The following RALGAPA2 variants were observed in gnomAD, a reference collection of about 807,000 sequenced individuals.
RALGAPA2 encodes the protein Ral GTPase activating protein catalytic subunit alpha 2.
RALGAPA2 carries 139 observed loss-of-function variants against 230.4 expected under a neutral mutation model. That is an observed-to-expected ratio of 0.60 (90% confidence interval 0.53 to 0.69). The LOEUF (loss-of-function observed/expected upper bound fraction) is 0.69, where lower values mean the gene tolerates loss of function less well. Ranked by LOEUF, RALGAPA2 falls within the 30% of genes least tolerant of loss-of-function variation. The pLI is 0.00. For synonymous variants in RALGAPA2, 847 were observed against 837.8 expected, an observed-to-expected ratio of 1.01 and a Z score of -0.19; for missense variants, 2,163 against 2,276.0, an observed-to-expected ratio of 0.95 and a Z score of 1.01.
chr20:20,484,194 C>T (rs945885002), intron 36 of RALGAPA2, among the ~76,000 whole-genome samples: 3 of 152,174 alleles, frequency 2.0e-5, no homozygotes, highest in Non-Finnish European at 2.9e-5. Context: ...GTAATTTTCC[C>T]GTTGGGAAAA....
chr20:20,537,710 G>A (rs1195583798), intron 24 of RALGAPA2, among the ~76,000 whole-genome samples: 1 of 151,434 alleles, frequency 6.6e-6, no homozygotes, highest in African/African-American at 2.4e-5. Context: ...GGACTACACA[G>A]GTCTGTCATC....
At chr20:20,605,118 A>C (rs1014197655) in intron 15 of RALGAPA2, 57 bp downstream of exon 15, 3 of 1,443,246 alleles carry the variant, frequency 2.1e-6, no homozygotes, top group Admixed American at 2.0e-5. Flanking sequence ...AGTCATACAA[A>C]TACACACTCG....
chr20:20,624,914 T>C (rs1177064723), intron 10 of RALGAPA2, among the ~76,000 whole-genome samples: 1 of 152,180 alleles, frequency 6.6e-6, no homozygotes, highest in African/African-American at 2.4e-5. Flanking sequence ...GATTCCATTG[T>C]CATAGTTACT....
intron 31 of RALGAPA2, among the ~76,000 whole-genome samples, chr20:20,515,101 C>T (rs902192580): frequency 2.0e-5 from 3 of 152,240 alleles, no homozygotes; most frequent in African/African-American, 7.2e-5. Context: ...GCTCAGACCA[C>T]TGTGCATTCC....
At chr20:20,591,439 TA>T in intron 16 of RALGAPA2, 125 bp from the exon 17 acceptor site, 1 of 1,152,954 alleles carries the variant, frequency 8.7e-7, no homozygotes, top group Non-Finnish European at 1.2e-6. Flanking sequence ...TATAGTCAGA[TA>T]ATCTGCATTT....
In RALGAPA2 at chr20:20,641,023, G is replaced by A. The variant is rs930499292; in HGVS notation, c.373-145C>T. On this transcript the variant is annotated intron_variant, in intron 5 of 39. Transcript: ENST00000202677. Reference sequence around the variant, plus strand: ...AAATTCTTCACTTAGTGACAAATAAGCAAAGATGCTGCAATACAGCACAAG... The same window carrying A: ...AAATTCTTCACTTAGTGACAAATAAACAAAGATGCTGCAATACAGCACAAG... 6.2e-5 allele frequency: 44 copies of A among 715,402 alleles called. No individual in the cohort carries two copies. The Admixed American group carries it at 1.1e-3, about 17-fold the overall frequency. The allele number at this position is 715,402 out of a possible 1,614,324, so 44.3% of individuals were successfully genotyped here.
intron 33 of RALGAPA2, among the ~76,000 whole-genome samples, chr20:20,506,423 C>T (rs1443122199): frequency 4.6e-5 from 7 of 152,174 alleles, no homozygotes; most frequent in Middle Eastern, 3.4e-3. Context: ...TGGAGTAAAG[C>T]GACAAAATAC....
rs1355211032 is a variant in RALGAPA2 at position 20,390,499 on chromosome 20, C to G, written c.*2790G>C. 1 of 152,110 alleles carries G rather than the reference C, an allele frequency of 6.6e-6. No individual in the cohort carries two copies. The highest frequency in any genetic ancestry group is 1.5e-5 in the Non-Finnish European group (1 of 68,024). The allele number at this position is 152,110 out of a possible 1,614,324, so 9.4% of individuals were successfully genotyped here. A position where few individuals can be genotyped will look rare whatever the true frequency, so the allele number is the denominator to read the frequency against. The stretch of plus-strand genomic sequence containing the variant: ...GAGAAGTGAGGGAACTGGCCTGGCC[C>G]TGCCTGAGGCCAGCGAGTCTTACCA... On this transcript the variant is annotated 3_prime_UTR_variant, in exon 40 of 40. Transcript: ENST00000202677.
intron 23 of RALGAPA2, among the ~76,000 whole-genome samples, chr20:20,560,160 G>A (rs556161868): frequency 6.6e-6 from 1 of 152,154 alleles, no homozygotes; most frequent in East Asian, 1.9e-4. Flanking sequence ...GGGGACAGCA[G>A]GCATGCCATG....
At chr20:20,678,013 T>G (rs766598835) in intron 2 of RALGAPA2, among the ~76,000 whole-genome samples, 1 of 151,934 alleles carries the variant, frequency 6.6e-6, no homozygotes, top group Non-Finnish European at 1.5e-5. Flanking sequence ...AGGGCACAAG[T>G]GTGGAGGTGG....
chr20:20,588,995 CA>C (rs2065210501), intron 18 of RALGAPA2, among the ~76,000 whole-genome samples: 1 of 152,014 alleles, frequency 6.6e-6, no homozygotes, highest in Non-Finnish European at 1.5e-5. Context: ...GTTTAACAGG[CA>C]AAGGTAACTG....
intron 1 of RALGAPA2, among the ~76,000 whole-genome samples, chr20:20,703,347 A>T (rs1208438227): frequency 6.6e-6 from 1 of 152,220 alleles, no homozygotes; most frequent in African/African-American, 2.4e-5. Flanking sequence ...TCTATATGGT[A>T]AATCCTTTAA....
intron 9 of RALGAPA2, among the ~76,000 whole-genome samples, chr20:20,630,208 T>A (rs1252533149): frequency 6.6e-6 from 1 of 152,246 alleles, no homozygotes; most frequent in Non-Finnish European, 1.5e-5. Flanking sequence ...ATTCATGCAA[T>A]CACTCACAAA....
chr20:20,590,621 C>T lies in RALGAPA2; in HGVS notation c.2341+556G>A, dbSNP rs1156439523. ...GTTTACAGGTCAAACCATCTGTCTCCCTGCTTTCCACACCCTGTTGCTGCT... is the reference window on the plus strand; with the variant it reads ...GTTTACAGGTCAAACCATCTGTCTCTCTGCTTTCCACACCCTGTTGCTGCT... On this transcript the variant is annotated intron_variant, in intron 17 of 39. Transcript: ENST00000202677. Among the ~76,000 whole-genome samples the T allele has an allele frequency of 2.0e-5, 3 of 152,180 alleles. 1 individual carries two copies. Among genetic ancestry groups the T allele is most frequent in the Admixed American group, 2.0e-4 (3 of 15,282 alleles).
At chr20:20,633,068 T>C (rs2066737372) in intron 9 of RALGAPA2, among the ~76,000 whole-genome samples, 1 of 151,642 alleles carries the variant, frequency 6.6e-6, no homozygotes, top group South Asian at 2.1e-4. Flanking sequence ...TTCTTTTCTC[T>C]TTCTCTTTCT....
chr20:20,552,992 C>T (rs981863859), intron 23 of RALGAPA2, among the ~76,000 whole-genome samples: 1 of 152,152 alleles, frequency 6.6e-6, no homozygotes, highest in African/African-American at 2.4e-5. Flanking sequence ...CAGCAGAGCA[C>T]GGCGCCAATA....
chr20:20,454,708 A>G (rs1391679377), intron 37 of RALGAPA2, among the ~76,000 whole-genome samples: 1 of 152,176 alleles, frequency 6.6e-6, no homozygotes, highest in African/African-American at 2.4e-5. Flanking sequence ...GGAAAGACAG[A>G]TCTTCACTCT....
chr20:20,437,846 G>A lies in RALGAPA2; in HGVS notation c.5496-25698C>T, dbSNP rs1012350592. On this transcript the variant is annotated intron_variant, in intron 37 of 39. Transcript: ENST00000202677. This position sits in a 1 kb window ranked among gnomAD's most constrained non-coding sequence, Gnocchi z 4.1. Reference sequence around the variant, plus strand: ...TTCCACTGGAATGGAAGTTCCATGCGGGCAGGAACTGTGGTATATCTAGCA... The same window carrying A: ...TTCCACTGGAATGGAAGTTCCATGCAGGCAGGAACTGTGGTATATCTAGCA... Among the ~76,000 whole-genome samples, 34 of 152,108 alleles carry A rather than the reference G, an allele frequency of 2.2e-4. No individual in the cohort carries two copies. The highest frequency in any genetic ancestry group is 8.0e-4 in the African/African-American group (33 of 41,402).
At chr20:20,479,456 T>C (rs183388789) in intron 36 of RALGAPA2, among the ~76,000 whole-genome samples, 1 of 152,286 alleles carries the variant, frequency 6.6e-6, no homozygotes, top group East Asian at 1.9e-4. Flanking sequence ...AAGTCGGGTA[T>C]ATCCCAAGAA....
Sources: allele counts gnomAD v4.1 joint callset (sites outside exome capture counted in the v4.1 genomes callset), GRCh38; gene constraint gnomAD v4.1.1; non-coding constraint Gnocchi (gnomAD v3.1); transcripts MANE v1.5; gene names NCBI Gene and HGNC (gene_info 2026-07-23, HGNC 2026-07-21).